The following DIP2B variants were observed in gnomAD, a reference collection of about 807,000 sequenced individuals.
DIP2B encodes the protein DIP2 acetate--CoA ligase B (putative).
In DIP2B, 76 loss-of-function variants were observed where a neutral mutation model predicts 198.0. The ratio of observed to expected loss-of-function variants is 0.38; its 90% CI spans 0.32 to 0.46. DIP2B has a LOEUF of 0.46. DIP2B is among the 20% of genes least tolerant of loss of function. The pLI is 0.99. For synonymous variants in DIP2B, 701 were observed against 739.1 expected (o/e 0.95, Z 0.84); for missense variants, 1,559 against 1,978.4 (o/e 0.79, Z 4.02).
At chr12:50,711,990 T>C (rs1939624553) in intron 22 of DIP2B, among the ~76,000 whole-genome samples, 1 of 152,090 alleles carries the variant, frequency 6.6e-6, no homozygotes, top group South Asian at 2.1e-4. Flanking sequence ...GCAAGACCCT[T>C]TGCTCTACAA....
intron 23 of DIP2B, among the ~76,000 whole-genome samples, chr12:50,717,912 T>A (rs1467995078): frequency 6.9e-6 from 1 of 145,626 alleles, no homozygotes; most frequent in East Asian, 2.0e-4. Context: ...TTTTTTTTTT[T>A]TTTTTTGAGA....
intron 25 of DIP2B, among the ~76,000 whole-genome samples, chr12:50,719,906 T>A (rs1234020965): frequency 6.8e-6 from 1 of 147,506 alleles, no homozygotes; most frequent in Admixed American, 6.8e-5. Flanking sequence ...CATTATAATA[T>A]ATAAATATAT....
intron 1 of DIP2B, among the ~76,000 whole-genome samples, chr12:50,625,029 A>T (rs1387397097): frequency 6.6e-6 from 1 of 152,226 alleles, no homozygotes; most frequent in Non-Finnish European, 1.5e-5. Flanking sequence ...AAGTACTTTT[A>T]ATACTACAAT....
intron 1 of DIP2B, among the ~76,000 whole-genome samples, chr12:50,562,740 A>G (rs1326291308): frequency 6.6e-6 from 1 of 151,972 alleles, no homozygotes; most frequent in East Asian, 1.9e-4. Flanking sequence ...GACTCAGAAA[A>G]AAAAAAAAAA....
intron 23 of DIP2B, among the ~76,000 whole-genome samples, chr12:50,716,300 G>A (rs528001427): frequency 4.6e-5 from 7 of 152,024 alleles, no homozygotes; most frequent in Non-Finnish European, 7.4e-5. Context: ...TCACCAATTG[G>A]AATACTTTAT....
intron 1 of DIP2B, among the ~76,000 whole-genome samples, chr12:50,575,483 A>G (rs947658281): frequency 1.3e-5 from 2 of 151,784 alleles, no homozygotes; most frequent in East Asian, 1.9e-4. Context: ...CCCAGGCTCA[A>G]GCCATCCTCC....
chr12:50,593,330 C>T (rs1404991110), intron 1 of DIP2B, among the ~76,000 whole-genome samples: 1 of 152,028 alleles, frequency 6.6e-6, no homozygotes, highest in Non-Finnish European at 1.5e-5. Flanking sequence ...CATGGTGAAA[C>T]CCCGTCTCTA....
chr12:50,682,203 C>G (rs1430105143), intron 9 of DIP2B, among the ~76,000 whole-genome samples: 1 of 152,144 alleles, frequency 6.6e-6, no homozygotes, highest in Admixed American at 6.5e-5. Flanking sequence ...GGTTTATGTT[C>G]TATTAATGAA....
At chr12:50,726,334 C>T (rs1195335129) in intron 28 of DIP2B, among the ~76,000 whole-genome samples, 1 of 152,106 alleles carries the variant, frequency 6.6e-6, no homozygotes, top group South Asian at 2.1e-4. Flanking sequence ...GTGAAAGCAG[C>T]GAATTCCCAG....
intron 1 of DIP2B, among the ~76,000 whole-genome samples, chr12:50,550,826 G>C (rs75722406): frequency 0.018 from 2,755 of 152,316 alleles, 95 homozygotes; most frequent in African/African-American, 0.063. Context: ...TTTATCAGTA[G>C]TATTTCCAGA....
chr12:50,715,125 A>T (rs943836302), intron 23 of DIP2B, among the ~76,000 whole-genome samples: 1 of 152,252 alleles, frequency 6.6e-6, no homozygotes, highest in African/African-American at 2.4e-5. Flanking sequence ...AGGTAAAAAA[A>T]GTTCAGAGCT....
chr12:50,731,285 A>T (rs1250917218), intron 30 of DIP2B, 84 bp from the exon 31 acceptor site: 2 of 1,512,270 alleles, frequency 1.3e-6, no homozygotes, highest in East Asian at 4.5e-5. Flanking sequence ...ACACTCAGTA[A>T]ATATCTGTGG....
rs902655498 is a variant in DIP2B, at chr12:50,543,564, C to T, written c.100+38324C>T. On this transcript the variant is annotated intron_variant, in intron 1 of 37. Transcript: ENST00000301180. ...TCGGCCTCCCAAAGTGCTGGGATTACAAGCATGAGCCACCGCTCTCAGCCT... is the reference window on the plus strand; with the variant it reads ...TCGGCCTCCCAAAGTGCTGGGATTATAAGCATGAGCCACCGCTCTCAGCCT... Among the ~76,000 whole-genome samples the T allele has an allele frequency of 4.9e-4, 74 of 150,682 alleles. 1 individual carries two copies. Among genetic ancestry groups the T allele is most frequent in the Non-Finnish European group, 5.9e-5 (4 of 67,762 alleles).
At chr12:50,524,623 C>T (rs1441218705) in intron 1 of DIP2B, among the ~76,000 whole-genome samples, 1 of 152,192 alleles carries the variant, frequency 6.6e-6, no homozygotes, top group Non-Finnish European at 1.5e-5. Context: ...CTACTATGTG[C>T]CACATAGGTG....
intron 1 of DIP2B, among the ~76,000 whole-genome samples, chr12:50,543,840 C>G (rs1380138245): frequency 2.0e-5 from 3 of 147,300 alleles, no homozygotes; most frequent in Non-Finnish European, 4.5e-5. Flanking sequence ...AGGAGAATCA[C>G]TTGAGCCTGG....
chr12:50,686,014 G>A, intron 11 of DIP2B, 58 bp downstream of exon 11: 1 of 1,551,138 alleles, frequency 6.4e-7, no homozygotes, highest in South Asian at 1.2e-5. Flanking sequence ...GCTTTAATTA[G>A]CTTTTTAATT....
intron 1 of DIP2B, among the ~76,000 whole-genome samples, chr12:50,624,965 C>T (rs1347735414): frequency 1.3e-5 from 2 of 152,242 alleles, no homozygotes; most frequent in African/African-American, 4.8e-5. Flanking sequence ...AATTTGTATC[C>T]GTCAGACATG....
chr12:50,720,133 T>C (rs1350246395), intron 25 of DIP2B, among the ~76,000 whole-genome samples: 1 of 151,836 alleles, frequency 6.6e-6, no homozygotes, highest in Non-Finnish European at 1.5e-5. Context: ...CTTTCACATG[T>C]TGGTCAGGCT....
intron 3 of DIP2B, among the ~76,000 whole-genome samples, chr12:50,651,908 G>A (rs975608573): frequency 2.0e-5 from 3 of 152,192 alleles, no homozygotes; most frequent in South Asian, 2.1e-4. Flanking sequence ...GGCCAGGTGC[G>A]GTGGCTCACG....
Sources: allele counts gnomAD v4.1 joint callset (sites outside exome capture counted in the v4.1 genomes callset), GRCh38; gene constraint gnomAD v4.1.1; transcripts MANE v1.5; gene names NCBI Gene and HGNC (gene_info 2026-07-23, HGNC 2026-07-21).